OPCML: variants seen among roughly 807,000 people sequenced by gnomAD.
OPCML encodes opioid-binding protein/cell adhesion molecule.
A neutral mutation model predicts 37.8 loss-of-function variants in OPCML; 13 were observed. That is an observed-to-expected ratio of 0.34 (90% CI 0.22 to 0.55). The LOEUF (loss-of-function observed/expected upper bound fraction) is 0.55. OPCML is among the 20% of genes least tolerant of loss of function. The pLI is 0.91. For synonymous variants in OPCML, 176 were observed against 168.8 expected (o/e 1.04, Z -0.33); for missense variants, 341 against 435.6 (o/e 0.78, Z 1.93).
intron 1 of OPCML, among the ~76,000 whole-genome samples, chr11:133,190,213 C>T (rs1938246023): frequency 6.6e-6 from 1 of 152,164 alleles, no homozygotes; most frequent in Non-Finnish European, 1.5e-5. Flanking sequence ...AAAATTTCCC[C>T]ATGGAGACAA....
chr11:132,781,623 A>ATT (rs375426070), intron 2 of OPCML, among the ~76,000 whole-genome samples: 1 of 140,564 alleles, frequency 7.1e-6, no homozygotes, highest in Non-Finnish European at 1.5e-5. Context: ...CACACACCCT[A>ATT]TTTTTTTTTT....
chr11:133,081,482 C>T (rs528646173), intron 1 of OPCML, among the ~76,000 whole-genome samples: 1 of 152,198 alleles, frequency 6.6e-6, no homozygotes, highest in Non-Finnish European at 1.5e-5. Flanking sequence ...AGTGGCTGAG[C>T]GAATGAATGA....
intron 1 of OPCML, among the ~76,000 whole-genome samples, chr11:133,457,460 GCCT>G (rs1211499262): frequency 6.6e-6 from 1 of 152,060 alleles, no homozygotes; most frequent in African/African-American, 2.4e-5. Flanking sequence ...GATCACTTGA[GCCT>G]GGGAGGTCAA....
chr11:132,592,967 G>A (rs1051058002), intron 3 of OPCML, among the ~76,000 whole-genome samples: 10 of 152,224 alleles, frequency 6.6e-5, no homozygotes, highest in African/African-American at 2.4e-4. Flanking sequence ...CGAGGAGAGA[G>A]CATGTTCACG....
intron 4 of OPCML, among the ~76,000 whole-genome samples, chr11:132,440,635 G>A (rs1034663554): frequency 2.0e-5 from 3 of 152,178 alleles, no homozygotes; most frequent in African/African-American, 4.8e-5. Context: ...CAGTAGGCTG[G>A]CTACACTGAG....
chr11:132,515,771 A>G (rs766704241), intron 4 of OPCML, among the ~76,000 whole-genome samples: 1 of 152,156 alleles, frequency 6.6e-6, no homozygotes, highest in Non-Finnish European at 1.5e-5. Context: ...TCTTCACACT[A>G]CCATCATTTC....
At position 132,638,780 on chromosome 11, in the gene OPCML, C is replaced by A. The variant is rs531290314; in HGVS notation, c.379+18307G>T. On this transcript the variant is annotated intron_variant, in intron 3 of 7. Transcript: ENST00000524381. The stretch of plus-strand genomic sequence containing the variant: ...ATGATTTCATTCCCAACCAACCAAC[C>A]AACACTCCCATTCCCTAGCCTCCTG... 5.1e-4 allele frequency among the ~76,000 whole-genome samples: 78 copies of A among 152,256 alleles called. No homozygotes were observed. The South Asian group carries it at 0.016, about 32-fold the overall frequency.
At chr11:133,175,122 T>C (rs1950348452) in intron 1 of OPCML, among the ~76,000 whole-genome samples, 1 of 152,224 alleles carries the variant, frequency 6.6e-6, no homozygotes, top group Non-Finnish European at 1.5e-5. Flanking sequence ...ACAAACTCAG[T>C]CACATAATAA....
Position 133,329,383 on chromosome 11 carries a change from C to A in OPCML, c.61+202881G>T, listed in dbSNP as rs930937479. Among the ~76,000 whole-genome samples, 7 of 152,302 alleles carry A rather than the reference C, an allele frequency of 4.6e-5. No homozygotes were observed. The Middle Eastern group carries it at 0.014, about 296-fold the overall frequency. ...AAGAGCCCACATTGCCAAGTCAATCCTAAGCCAAAAGAACAAAGCTGGAGG... is the reference window on the plus strand; with the variant it reads ...AAGAGCCCACATTGCCAAGTCAATCATAAGCCAAAAGAACAAAGCTGGAGG... On this transcript the variant is annotated intron_variant, in intron 1 of 7. Transcript: ENST00000524381.
intron 1 of OPCML, among the ~76,000 whole-genome samples, chr11:133,459,251 T>C (rs1341880444): frequency 6.6e-6 from 1 of 151,658 alleles, no homozygotes; most frequent in Non-Finnish European, 1.5e-5. Context: ...TGAGAAGAAA[T>C]TCAAAATATG....
intron 2 of OPCML, among the ~76,000 whole-genome samples, chr11:132,817,459 T>C (rs1341046490): frequency 6.6e-6 from 1 of 152,184 alleles, no homozygotes. Context: ...TTTCATGGCT[T>C]CTTTTTTTGT....
In OPCML at chr11:132,943,780, G is replaced by T. The variant is rs1591834455; in HGVS notation, c.62-770C>A. On this transcript the variant is annotated intron_variant, in intron 1 of 7. Coordinates refer to ENST00000524381, the MANE Select transcript of OPCML (RefSeq NM_001012393.5). The surrounding 1 kb of genome is among the most constrained non-coding windows in gnomAD (Gnocchi z 4.3). Reference sequence around the variant, plus strand: ...GCGCCGCCCGGCGCAGGCTCCGGGCGCACGGGGAGCTGGGCGGACGGCGGC... The same window carrying T: ...GCGCCGCCCGGCGCAGGCTCCGGGCTCACGGGGAGCTGGGCGGACGGCGGC... 6.6e-6 allele frequency: 1 copy of T among 150,434 alleles called. No homozygotes were observed. The highest frequency in any genetic ancestry group is 2.0e-4 in the East Asian group (1 of 5,104). 9.3% of individuals were successfully genotyped at this position (150,434 alleles called of 1,614,324 possible).
chr11:132,924,090 C>A (rs151211349), intron 2 of OPCML, among the ~76,000 whole-genome samples: 1 of 151,420 alleles, frequency 6.6e-6, no homozygotes, highest in African/African-American at 2.4e-5. Context: ...CTTGTTCCTG[C>A]CCTCAAGAAA....
At chr11:133,006,415 GA>G (rs2136862697) in intron 1 of OPCML, 3 of 984,036 alleles carry the variant, frequency 3.0e-6, no homozygotes, top group Non-Finnish European at 3.6e-6. Flanking sequence ...TAGCTGAACT[GA>G]AAAAAAGTCC....
At chr11:133,232,326 TAA>T (rs1417451114) in intron 1 of OPCML, among the ~76,000 whole-genome samples, 9 of 152,358 alleles carry the variant, frequency 5.9e-5, no homozygotes, top group African/African-American at 2.2e-4. Flanking sequence ...GGTCTAGTTT[TAA>T]ATTCCTGAAT....
At chr11:132,783,226 G>C (rs1947094933) in intron 2 of OPCML, among the ~76,000 whole-genome samples, 1 of 152,102 alleles carries the variant, frequency 6.6e-6, no homozygotes, top group African/African-American at 2.4e-5. Context: ...GGGATTCGGA[G>C]CTGAGTAGAA....
At chr11:132,599,351 AAGG>A (rs1410887092) in intron 3 of OPCML, among the ~76,000 whole-genome samples, 1 of 139,176 alleles carries the variant, frequency 7.2e-6, no homozygotes, top group African/African-American at 2.8e-5. Flanking sequence ...GAGGAGGAAG[AAGG>A]AGGAGAAGGA....
At chr11:132,576,771 A>G (rs981260675) in intron 3 of OPCML, among the ~76,000 whole-genome samples, 24 of 152,046 alleles carry the variant, frequency 1.6e-4, no homozygotes, top group African/African-American at 5.8e-4. Context: ...ACTCCTACCA[A>G]TCAGCCTAGC....
chr11:133,500,511 T>G (rs965603925), intron 1 of OPCML, among the ~76,000 whole-genome samples: 8 of 152,228 alleles, frequency 5.3e-5, no homozygotes, highest in African/African-American at 1.9e-4. Context: ...TTCTCGAGTC[T>G]CCAGTGTCAT....
Sources: gnomAD v4.1 joint callset for allele counts (sites outside exome capture counted in the v4.1 genomes callset) on GRCh38, gnomAD v4.1.1 for gene constraint, Gnocchi (gnomAD v3.1) non-coding constraint, MANE v1.5 for transcripts, NCBI Gene and HGNC (gene_info 2026-07-23, HGNC 2026-07-21) for gene names.